The following CHSY3 variants were observed in gnomAD, a reference collection of about 807,000 sequenced individuals.
The protein encoded by CHSY3 is chondroitin sulfate synthase 3, also known as N-acetylgalactosaminyl-proteoglycan 3-beta-glucuronosyltransferase 3.
CHSY3 carries 35 observed loss-of-function variants against 67.2 expected under a neutral mutation model. The ratio of observed to expected loss-of-function variants is 0.52; its 90% CI spans 0.40 to 0.69. The LOEUF (loss-of-function observed/expected upper bound fraction) is 0.69, where lower values mean the gene tolerates loss of function less well. CHSY3 is among the 30% of genes least tolerant of loss of function. The pLI, the probability that CHSY3 is intolerant of heterozygous loss-of-function variation, is 0.00. For missense variants in CHSY3, 1,069 were observed against 1,138.5 expected, an observed-to-expected ratio of 0.94 and a Z score of 0.88; for synonymous variants, 474 against 434.7, an observed-to-expected ratio of 1.09 and a Z score of -1.12.
chr5:130,182,673 AG>A (rs1770283765), intron 2 of CHSY3, among the ~76,000 whole-genome samples: 1 of 152,088 alleles, frequency 6.6e-6, no homozygotes, highest in Non-Finnish European at 1.5e-5. Context: ...TGTAGGATGT[AG>A]GGGATCCGTT....
intron 2 of CHSY3, among the ~76,000 whole-genome samples, chr5:130,117,119 G>T (rs1446618477): frequency 6.6e-6 from 1 of 152,140 alleles, no homozygotes; most frequent in Non-Finnish European, 1.5e-5. Flanking sequence ...TCACTACAGT[G>T]GTGTGAGGAG....
chr5:130,017,484 C>G (rs1239325468), intron 2 of CHSY3, among the ~76,000 whole-genome samples: 1 of 151,982 alleles, frequency 6.6e-6, no homozygotes. Flanking sequence ...GCTGGGGTAG[C>G]GTACTTTCTA....
At chr5:130,075,363 T>C (rs1160269084) in intron 2 of CHSY3, among the ~76,000 whole-genome samples, 4 of 152,110 alleles carry the variant, frequency 2.6e-5, no homozygotes. Context: ...AAGAGATGGG[T>C]CTCTAGTCAT....
At chr5:129,921,320 T>C (rs886727781) in intron 2 of CHSY3, among the ~76,000 whole-genome samples, 3 of 152,152 alleles carry the variant, frequency 2.0e-5, no homozygotes, top group Non-Finnish European at 4.4e-5. Context: ...CTATGATACC[T>C]TGACAGTCAG....
intron 2 of CHSY3, among the ~76,000 whole-genome samples, chr5:130,057,215 C>T (rs1487900311): frequency 1.3e-5 from 2 of 151,946 alleles, no homozygotes; most frequent in Admixed American, 1.3e-4. Context: ...TGAGCCACCG[C>T]ACCCAGCCAT....
chr5:129,930,154 G>T lies in CHSY3; in HGVS notation c.1086+21794G>T, dbSNP rs113940481. 3.0e-3 allele frequency among the ~76,000 whole-genome samples: 463 copies of T among 152,096 alleles called. 4 individuals are homozygous for T. Among genetic ancestry groups the T allele is most frequent in the African/African-American group, 0.011 (436 of 41,484 alleles). On this transcript the variant is annotated intron_variant, in intron 2 of 2. Coordinates refer to ENST00000305031, the MANE Select transcript of CHSY3 (RefSeq NM_175856.5). Reference sequence around the variant, plus strand: ...TTGAGACCATCCTGGCCAACATAGTGAAACCCCATCTCTACTAAAAATACA... The same window carrying T: ...TTGAGACCATCCTGGCCAACATAGTTAAACCCCATCTCTACTAAAAATACA...
At chr5:130,083,852 T>C (rs1766519322) in intron 2 of CHSY3, among the ~76,000 whole-genome samples, 1 of 152,014 alleles carries the variant, frequency 6.6e-6, no homozygotes, top group Non-Finnish European at 1.5e-5. Context: ...GTATACATTT[T>C]TTTTTTGGAC....
At chr5:129,979,033 C>T (rs958607134) in intron 2 of CHSY3, among the ~76,000 whole-genome samples, 1 of 151,124 alleles carries the variant, frequency 6.6e-6, no homozygotes, top group African/African-American at 2.4e-5. Flanking sequence ...CCCCTGTCTA[C>T]TAAAAATACA....
At chr5:129,986,292 T>G (rs1036612130) in intron 2 of CHSY3, among the ~76,000 whole-genome samples, 1 of 152,186 alleles carries the variant, frequency 6.6e-6, no homozygotes, top group Non-Finnish European at 1.5e-5. Context: ...GATCATGTGG[T>G]TTTTGTTTCA....
intron 2 of CHSY3, among the ~76,000 whole-genome samples, chr5:130,034,165 C>T (rs553989758): frequency 6.6e-6 from 1 of 150,676 alleles, no homozygotes; most frequent in Non-Finnish European, 1.5e-5. Flanking sequence ...GTGTCTCTTT[C>T]TAATTTTTCT....
intron 2 of CHSY3, among the ~76,000 whole-genome samples, chr5:129,916,928 T>C (rs1760748837): frequency 6.6e-6 from 1 of 152,178 alleles, no homozygotes; most frequent in Admixed American, 6.6e-5. Context: ...TGGGTCCAAC[T>C]TTGGTACCTC....
chr5:129,949,548 A>G (rs946963390), intron 2 of CHSY3, among the ~76,000 whole-genome samples: 2 of 152,170 alleles, frequency 1.3e-5, no homozygotes, highest in Admixed American at 1.3e-4. Context: ...GAGAGCTAAT[A>G]TCAATCCTTG....
intron 2 of CHSY3, among the ~76,000 whole-genome samples, chr5:130,028,634 A>G (rs1764622019): frequency 6.6e-6 from 1 of 152,098 alleles, no homozygotes; most frequent in Non-Finnish European, 1.5e-5. Flanking sequence ...ATCTCACATA[A>G]CTGAAAAGTA....
intron 2 of CHSY3, among the ~76,000 whole-genome samples, chr5:130,029,924 G>A (rs1214218903): frequency 3.3e-5 from 5 of 152,006 alleles, no homozygotes; most frequent in African/African-American, 9.7e-5. Flanking sequence ...TATCTCTTTT[G>A]TATAGCCAAA....
chr5:130,051,955 AG>A (rs1765373040), intron 2 of CHSY3: 1 of 151,382 alleles, frequency 6.6e-6, no homozygotes, highest in Non-Finnish European at 1.5e-5. Context: ...AAAAAAAAAA[AG>A]AAACTCACCT....
chr5:130,086,128 G>T (rs1000560945), intron 2 of CHSY3, among the ~76,000 whole-genome samples: 1 of 151,934 alleles, frequency 6.6e-6, no homozygotes, highest in Admixed American at 6.6e-5. Flanking sequence ...TATTAGGTCC[G>T]CTTGGTGCAG....
chr5:130,169,846 G>C (rs1057145449), intron 2 of CHSY3, among the ~76,000 whole-genome samples: 35 of 152,034 alleles, frequency 2.3e-4, no homozygotes, highest in African/African-American at 8.2e-4. Flanking sequence ...ATCTGAAAGG[G>C]AGGTATGATT....
intron 2 of CHSY3, among the ~76,000 whole-genome samples, chr5:129,942,151 T>C (rs1002365305): frequency 6.6e-6 from 1 of 152,066 alleles, no homozygotes; most frequent in Non-Finnish European, 1.5e-5. Context: ...GAGTCTTGCC[T>C]TGGGATAGGT....
intron 2 of CHSY3, among the ~76,000 whole-genome samples, chr5:129,952,241 G>A (rs1375923088): frequency 6.6e-6 from 1 of 152,168 alleles, no homozygotes; most frequent in Non-Finnish European, 1.5e-5. Context: ...TGTCCTGCTG[G>A]GTTGGAGGGT....
Sources: allele counts gnomAD v4.1 joint callset (sites outside exome capture counted in the v4.1 genomes callset), GRCh38; gene constraint gnomAD v4.1.1; transcripts MANE v1.5; gene names NCBI Gene and HGNC (gene_info 2026-07-23, HGNC 2026-07-21).